Variants in NLGN1 observed in about 807,000 individuals in gnomAD.
The protein encoded by NLGN1 is neuroligin-1.
Under a neutral mutation model 65.5 loss-of-function variants are expected in NLGN1, and 12 were observed. The observed-to-expected ratio is 0.18, with a 90% CI of 0.12 to 0.30. NLGN1 has a LOEUF of 0.30. Ranked by LOEUF, NLGN1 falls within the 10% of genes least tolerant of loss-of-function variation. The pLI is 1.00. For missense variants in NLGN1, 750 were observed against 1,007.1 expected (o/e 0.74, Z 3.46); for synonymous variants, 350 against 359.5 (o/e 0.97, Z 0.30).
chr3:173,853,409 TATA>T (rs1727356070), intron 4 of NLGN1, among the ~76,000 whole-genome samples: 1 of 152,212 alleles, frequency 6.6e-6, no homozygotes, highest in Non-Finnish European at 1.5e-5. Context: ...TGCTCCATTT[TATA>T]ATAATAGATT....
At chr3:173,667,521 A>G (rs551638681) in intron 3 of NLGN1, among the ~76,000 whole-genome samples, 1 of 152,196 alleles carries the variant, frequency 6.6e-6, no homozygotes, top group Non-Finnish European at 1.5e-5. Context: ...TGATACTATT[A>G]TCTAAATTGC....
At chr3:174,004,555 C>G (rs140232321) in intron 4 of NLGN1, among the ~76,000 whole-genome samples, 3 of 152,122 alleles carry the variant, frequency 2.0e-5, no homozygotes, top group Non-Finnish European at 4.4e-5. Context: ...CTTGGACTCT[C>G]ATTTACTAAT....
chr3:174,016,297 C>A (rs1579783027), intron 4 of NLGN1, among the ~76,000 whole-genome samples: 1 of 152,256 alleles, frequency 6.6e-6, no homozygotes, highest in Non-Finnish European at 1.5e-5. Context: ...GCAAAAGAGA[C>A]TGGATGTATA....
intron 3 of NLGN1, among the ~76,000 whole-genome samples, chr3:173,741,573 A>C (rs1033115795): frequency 2.0e-4 from 30 of 151,990 alleles, no homozygotes; most frequent in African/African-American, 6.5e-4. Flanking sequence ...GCTCACTGCA[A>C]CCTCCACCTC....
intron 2 of NLGN1, among the ~76,000 whole-genome samples, chr3:173,595,049 A>G (rs150828319): frequency 6.6e-6 from 1 of 152,198 alleles, no homozygotes; most frequent in Admixed American, 6.5e-5. Context: ...GACCTTAGAC[A>G]TGCCCTGGAG....
At chr3:174,207,201 GAA>G (rs11336101) in intron 4 of NLGN1, among the ~76,000 whole-genome samples, 74,698 of 136,628 alleles carry the variant, frequency 0.55, 19,959 homozygotes, top group East Asian at 0.78. Flanking sequence ...GCTCATTCAT[GAA>G]AAAAAAAAAA....
At chr3:173,856,207 A>G (rs1727927790) in intron 4 of NLGN1, among the ~76,000 whole-genome samples, 1 of 152,126 alleles carries the variant, frequency 6.6e-6, no homozygotes, top group Non-Finnish European at 1.5e-5. Flanking sequence ...ACCTCTAGGG[A>G]CTGTTGTTGC....
At chr3:173,797,633 CTAAG>C (rs138491273) in intron 3 of NLGN1, among the ~76,000 whole-genome samples, 250 of 149,292 alleles carry the variant, frequency 1.7e-3, no homozygotes, top group African/African-American at 5.9e-3. Flanking sequence ...ACACAGTTTC[CTAAG>C]TAAGGAAGGT....
chr3:173,977,300 A>G (rs1717710871), intron 4 of NLGN1, among the ~76,000 whole-genome samples: 1 of 151,780 alleles, frequency 6.6e-6, no homozygotes, highest in South Asian at 2.1e-4. Context: ...AGCAAATAGG[A>G]GGGGGAAACA....
chr3:173,984,171 A>G (rs1719392023), intron 4 of NLGN1, among the ~76,000 whole-genome samples: 1 of 152,228 alleles, frequency 6.6e-6, no homozygotes, highest in Admixed American at 6.5e-5. Context: ...AGGTATATCA[A>G]GAAACCCTGT....
chr3:173,755,061 C>T (rs1776887418), intron 3 of NLGN1, among the ~76,000 whole-genome samples: 1 of 152,052 alleles, frequency 6.6e-6, no homozygotes, highest in South Asian at 2.1e-4. Context: ...TAAGAGAGAA[C>T]ATCATTTGAA....
At chr3:173,827,297 A>T (rs971653253) in intron 4 of NLGN1, among the ~76,000 whole-genome samples, 1 of 152,104 alleles carries the variant, frequency 6.6e-6, no homozygotes, top group African/African-American at 2.4e-5. Flanking sequence ...GTTGAGGTAA[A>T]GATTCTAGTG....
chr3:173,717,503 G>T (rs1181727278), intron 3 of NLGN1, among the ~76,000 whole-genome samples: 1 of 152,044 alleles, frequency 6.6e-6, no homozygotes, highest in Non-Finnish European at 1.5e-5. Flanking sequence ...ATGATCCATG[G>T]CTAATAACCT....
At chr3:173,512,882 G>T (rs1733211470) in intron 2 of NLGN1, among the ~76,000 whole-genome samples, 2 of 152,104 alleles carry the variant, frequency 1.3e-5, no homozygotes. Flanking sequence ...TTGATGTATG[G>T]GTAAAAGAAA....
chr3:173,431,976 T>C (rs909868366), intron 1 of NLGN1, among the ~76,000 whole-genome samples: 18 of 152,212 alleles, frequency 1.2e-4, no homozygotes, highest in Non-Finnish European at 2.4e-4. Flanking sequence ...TCTGAAATCA[T>C]ATGGTGGGTA....
At chr3:173,645,025 G>A (rs1213649445) in intron 3 of NLGN1, among the ~76,000 whole-genome samples, 1 of 152,218 alleles carries the variant, frequency 6.6e-6, no homozygotes, top group Non-Finnish European at 1.5e-5. Context: ...AGTTGACTTT[G>A]GAAGCAGCAG....
At chr3:174,066,461 T>C (rs1738567168) in intron 4 of NLGN1, among the ~76,000 whole-genome samples, 1 of 151,636 alleles carries the variant, frequency 6.6e-6, no homozygotes, top group Non-Finnish European at 1.5e-5. Flanking sequence ...CCTTTCACTT[T>C]TGACCCAAAT....
rs1390298363 is a variant in NLGN1, at chr3:173,636,928, GAC to G, written c.493+31839_493+31840del. 5.9e-5 allele frequency among the ~76,000 whole-genome samples: 9 copies of G among 152,240 alleles called. No individual in the cohort carries two copies. The South Asian group carries it at 8.3e-4, about 14-fold the overall frequency. ...AAGACAATGGGGTATCTCCTTATAA[GAC>G]AGTGCTATGCTTAAGCTAGTGTGAA... On this transcript the variant is annotated intron_variant, in intron 3 of 6. Transcript: ENST00000457714.
intron 3 of NLGN1, among the ~76,000 whole-genome samples, chr3:173,727,905 T>G (rs976137633): frequency 1.3e-5 from 2 of 152,142 alleles, no homozygotes; most frequent in African/African-American, 4.8e-5. Context: ...TGTTTCCCAC[T>G]GAGTTGCAGA....
Sources: allele counts gnomAD v4.1 joint callset (sites outside exome capture counted in the v4.1 genomes callset), GRCh38; gene constraint gnomAD v4.1.1; transcripts MANE v1.5; gene names NCBI Gene and HGNC (gene_info 2026-07-23, HGNC 2026-07-21).